TNXB: variants seen among roughly 807,000 people sequenced by gnomAD.
The protein encoded by TNXB is tenascin XB.
Under a neutral mutation model 340.5 loss-of-function variants are expected in TNXB, and 183 were observed. The observed-to-expected ratio is 0.54, with a 90% CI of 0.48 to 0.61. TNXB has a LOEUF of 0.61. TNXB is among the 20% of genes least tolerant of loss of function. The pLI is 0.00. For synonymous variants in TNXB, 2,121 were observed against 2,314.5 expected, an observed-to-expected ratio of 0.92 and a Z score of 2.40; for missense variants, 4,613 against 5,446.4, an observed-to-expected ratio of 0.85 and a Z score of 4.82.
In TNXB at chr6:32,096,732, G is replaced by A. The variant is rs755402467; in HGVS notation, c.1121C>T (p.Pro374Leu). ...GCGCCCGCGGCCCCGGCAGTCCCTC[G>A]GACATGTCCGCGTGCTGCAGTCCTC... ...TGEDCSTRTCPRDCRGRGRCE... is the reference protein window; with the variant it reads ...TGEDCSTRTCLRDCRGRGRCE... Residue 374 changes from proline to leucine, a missense_variant, in exon 3 of 44, where the codon CCG becomes CTG. Pro to Leu is a moderately conservative substitution (Grantham distance 98). This residue lies in a region of TNXB where 4,327 missense variants were observed against 4,859.4 expected (regional missense o/e 0.89). Transcript: ENST00000644971. The A allele has an allele frequency of 1.9e-6, 3 of 1,552,056 alleles. No individual in the cohort carries two copies. Among genetic ancestry groups the A allele is most frequent in the Non-Finnish European group, 1.7e-6 (2 of 1,150,406 alleles).
chr6:32,100,649 CT>C (rs1285218219), intron 1 of TNXB, among the ~76,000 whole-genome samples: 3 of 151,764 alleles, frequency 2.0e-5, no homozygotes, highest in Non-Finnish European at 4.4e-5. Context: ...TTACTTGAGT[CT>C]GGGAGGTCGA....
In TNXB at chr6:32,082,490, T is replaced by G. The variant is rs1449910547; in HGVS notation, c.3446-164A>C. Among the ~76,000 whole-genome samples, 3 of 152,188 alleles carry G rather than the reference T, an allele frequency of 2.0e-5. No homozygotes were observed. The highest frequency in any genetic ancestry group is 7.2e-5 in the African/African-American group (3 of 41,440). ...GACTGAAATCCAGCCAGCACTCTGC[T>G]TGCCGAGCTGTGTGCCCTGGTGAGG... is the stretch of plus-strand genomic sequence containing the variant. On this transcript the variant is annotated intron_variant, in intron 8 of 43. Transcript: ENST00000644971. The surrounding 1 kb of genome is among the most constrained non-coding windows in gnomAD (Gnocchi z 5.0).
rs774153644 is a variant in TNXB, at chr6:32,042,328, A to G, written c.12245T>C (p.Phe4082Ser). ...GGCATAGTCCTCCCAGTCCCTCCAGAAGTCTGTCTGTCCATCCATGCGGCG... is the reference window on the plus strand; with the variant it reads ...GGCATAGTCCTCCCAGTCCCTCCAGGAGTCTGTCTGTCCATCCATGCGGCG... ...FQRRMDGQTD[F>S]WRDWEDYAHG... Residue 4082 changes from phenylalanine to serine, a missense_variant, in exon 41 of 44, where the codon TTC (phenylalanine) becomes TCC (serine). Phe to Ser is a radical substitution (Grantham distance 155). Coordinates refer to ENST00000644971, the MANE Select transcript of TNXB (RefSeq NM_001365276.2). 1 of 1,524,152 alleles carries G rather than the reference A, an allele frequency of 6.6e-7. No homozygotes were observed. Among genetic ancestry groups the G allele is most frequent in the African/African-American group, 1.5e-5 (1 of 67,876 alleles). The allele number at this position is 1,524,152 out of a possible 1,614,324, so 94.4% of individuals were successfully genotyped here.
chr6:32,078,613 T>C (rs1424844814), intron 11 of TNXB: 1 of 218,632 alleles, frequency 4.6e-6, no homozygotes, highest in Non-Finnish European at 9.0e-6. Context: ...ACCTTCAGGG[T>C]GGTATGGCCT....
At position 32,079,899 on chromosome 6, in the gene TNXB, C is replaced by T. The variant is rs1320938616; in HGVS notation, c.4043-534G>A. Among the ~76,000 whole-genome samples the T allele has an allele frequency of 6.6e-6, 1 of 152,230 alleles. No individual in the cohort carries two copies. The highest frequency in any genetic ancestry group is 1.5e-5 in the Non-Finnish European group (1 of 68,042). On this transcript the variant is annotated intron_variant, in intron 10 of 43. Coordinates refer to ENST00000644971, the MANE Select transcript of TNXB (RefSeq NM_001365276.2). The surrounding 1 kb of genome is among the most constrained non-coding windows in gnomAD (Gnocchi z 7.1). ...CAAGGAGAGACATGTCCTTCCCTGGCTGGCTCTGGAATCACAGCCCTGTGG... is the reference window on the plus strand; with the variant it reads ...CAAGGAGAGACATGTCCTTCCCTGGTTGGCTCTGGAATCACAGCCCTGTGG...
chr6:32,090,547 A>G lies in TNXB; in HGVS notation c.2359-1168T>C, dbSNP rs1780029111. Among the ~76,000 whole-genome samples the G allele has an allele frequency of 1.3e-5, 2 of 152,232 alleles. No individual in the cohort carries two copies. Among genetic ancestry groups the G allele is most frequent in the Non-Finnish European group, 2.9e-5 (2 of 68,030 alleles). The stretch of plus-strand genomic sequence containing the variant: ...TGATGGGGACACCTCCATTCAGCCA[A>G]GTAGGATTGGAAATTTCAAAAGGTA... On this transcript the variant is annotated intron_variant, in intron 4 of 43. Transcript: ENST00000644971. The surrounding 1 kb of genome is among the most constrained non-coding windows in gnomAD (Gnocchi z 4.3).
At position 32,069,333 on chromosome 6, in the gene TNXB, C is replaced by T. The variant is rs2151915707; in HGVS notation, c.5588-197G>A. On this transcript the variant is annotated intron_variant, in intron 15 of 43. Transcript: ENST00000644971. The surrounding 1 kb of genome is among the most constrained non-coding windows in gnomAD (Gnocchi z 6.2). ...CACAAGAGACTGCGTATTGTGATTC[C>T]ATTACATGGAGAGTCAAAATGCTGT... is the stretch of plus-strand genomic sequence containing the variant. Among the ~76,000 whole-genome samples the T allele has an allele frequency of 6.6e-6, 1 of 152,350 alleles. No homozygotes were observed. The highest frequency in any genetic ancestry group is 1.9e-4 in the East Asian group (1 of 5,186).
In TNXB at chr6:32,096,406, A is replaced by G; in HGVS notation, c.1447T>C (p.Cys483Arg). ...RGRCESGRCM[C>R]WPGYTGRDCG... ...TCCCGGCCTGTGTACCCCGGCCAAC[A>G]CATGCAGCGGCCACTCTCACAGCGG... is the stretch of plus-strand genomic sequence containing the variant. Residue 483 changes from cysteine (C) to arginine (R), a missense_variant, in exon 3 of 44, where the codon TGT (cysteine) becomes CGT (arginine). Coordinates refer to ENST00000644971, the MANE Select transcript of TNXB (RefSeq NM_001365276.2). The G allele has an allele frequency of 6.3e-7, 1 of 1,584,236 alleles. No individual in the cohort carries two copies. Among genetic ancestry groups the G allele is most frequent in the Non-Finnish European group, 8.5e-7 (1 of 1,172,654 alleles).
At position 32,068,695 on chromosome 6, in the gene TNXB, T is replaced by C; in HGVS notation, c.5915A>G (p.Glu1972Gly). Residue 1972 changes from glutamate to glycine, a missense_variant, in exon 17 of 44, where the codon GAG (glutamate) becomes GGG (glycine). Coordinates refer to ENST00000644971, the MANE Select transcript of TNXB (RefSeq NM_001365276.2). This position sits in a 1 kb window ranked among gnomAD's most constrained non-coding sequence, Gnocchi z 5.3. ...TGCGGTGGGAGGTTCTGAAGGCTTC[T>C]CCTCCTCCGGGACTGGACAGAGACA... ...HVEALTVPEE[E>G]KPSEPPTATP... is the part of the protein sequence containing the mutation. 6.2e-7 allele frequency: 1 copy of C among 1,613,020 alleles called. No individual in the cohort carries two copies. The highest frequency in any genetic ancestry group is 8.5e-7 in the Non-Finnish European group (1 of 1,179,366).
chr6:32,087,291 C>T lies in TNXB; in HGVS notation c.2780-1173G>A, dbSNP rs1459600969. ...AGGCGTAGGACTTGGAGGTCTGCCC[C>T]GCCCGCACCCCGTGGACCTCCACGT... On this transcript the variant is annotated intron_variant, in intron 6 of 43. Coordinates refer to ENST00000644971, the MANE Select transcript of TNXB (RefSeq NM_001365276.2). This position sits in a 1 kb window ranked among gnomAD's most constrained non-coding sequence, Gnocchi z 9.0. The T allele has an allele frequency of 6.0e-6, 3 of 502,008 alleles. No individual in the cohort carries two copies. Among genetic ancestry groups the T allele is most frequent in the South Asian group, 4.4e-5 (3 of 68,656 alleles). The allele number at this position is 502,008 out of a possible 1,614,324, so 31.1% of individuals were successfully genotyped here. A position where few individuals can be genotyped will look rare whatever the true frequency, so the allele number is the denominator to read the frequency against.
In TNXB at chr6:32,067,742, G is replaced by A. The variant is rs1238592106; in HGVS notation, c.6463C>T (p.Pro2155Ser). ...AGGTGCATCTTGTACTTGCGCCCAGGCTCCAGGCCCCCCACGGTGACTTCA... is the reference window on the plus strand; with the variant it reads ...AGGTGCATCTTGTACTTGCGCCCAGACTCCAGGCCCCCCACGGTGACTTCA... ...ESEVTVGGLEPGRKYKMHLYG... is the reference protein window; with the variant it reads ...ESEVTVGGLESGRKYKMHLYG... Residue 2155 changes from proline (P) to serine (S), a missense_variant, in exon 18 of 44, where the codon CCT (proline) becomes TCT (serine). By Grantham distance (74) the Pro-to-Ser change is moderately conservative. Around this residue, in one of 7 missense-constraint regions of TNXB, gnomAD observed 4,327 missense variants for 4,859.4 expected, o/e 0.89. Coordinates refer to ENST00000644971, the MANE Select transcript of TNXB (RefSeq NM_001365276.2). This position sits in a 1 kb window ranked among gnomAD's most constrained non-coding sequence, Gnocchi z 4.2. The A allele has an allele frequency of 1.9e-6, 3 of 1,613,728 alleles. No individual in the cohort carries two copies. In the African/African-American group the frequency reaches 4.0e-5, roughly 22 times the overall value.
rs1778234154 is a variant in TNXB at position 32,064,845 on chromosome 6, G to A, written c.6817C>T (p.Pro2273Ser). ...YGFHGGQRVG[P>S]VSAVGLTAPG... ...CCAGTTAAACCAACAGCAGACACGG[G>A]GCCCACGCGCTGGCCACCGTGGAAG... Residue 2273 changes from proline to serine, a missense_variant, in exon 19 of 44, where the codon CCC becomes TCC. Coordinates refer to ENST00000644971, the MANE Select transcript of TNXB (RefSeq NM_001365276.2). This position sits in a 1 kb window ranked among gnomAD's most constrained non-coding sequence, Gnocchi z 5.3. The A allele has an allele frequency of 6.2e-7, 1 of 1,610,612 alleles. No individual in the cohort carries two copies. Among genetic ancestry groups the A allele is most frequent in the East Asian group, 2.2e-5 (1 of 44,886 alleles).
At chr6:32,071,608 C>T (rs554783359) in intron 13 of TNXB, among the ~76,000 whole-genome samples, 7 of 143,254 alleles carry the variant, frequency 4.9e-5, no homozygotes, top group South Asian at 2.2e-4. Flanking sequence ...TTTTTTGAGA[C>T]GGAGTCTGGC....
In TNXB at chr6:32,098,155, A is replaced by G; in HGVS notation, c.44T>C (p.Leu15Pro). The G allele has an allele frequency of 1.9e-6, 3 of 1,568,638 alleles. No individual in the cohort carries two copies. Among genetic ancestry groups the G allele is most frequent in the Non-Finnish European group, 1.7e-6 (2 of 1,152,762 alleles). Reference protein sequence around the residue: ...QYALTSSLVLLVLLSTARAGP... With the variant: ...QYALTSSLVLPVLLSTARAGP... ...TGCTCTGGCTGTGCTCAGCAGCACC[A>G]GGAGAACCAGGCTGGAGGTTAGAGC... The change falls in exon 2 of 44, where the codon CTG (leucine) becomes CCG (proline). Residue 15 changes from leucine to proline, a missense_variant. Transcript: ENST00000644971.
chr6:32,073,919 T>G lies in TNXB; in HGVS notation c.4409A>C (p.Glu1470Ala). Residue 1470 changes from glutamate to alanine, a missense_variant, in exon 12 of 44, where the codon GAG becomes GCG. Glu to Ala is a moderately radical substitution (Grantham distance 107, BLOSUM62 -1). Coordinates refer to ENST00000644971, the MANE Select transcript of TNXB (RefSeq NM_001365276.2). This position sits in a 1 kb window ranked among gnomAD's most constrained non-coding sequence, Gnocchi z 4.6. ...PQQEETPPAT[E>A]SPLEPRLGEL... ...TCCTAGGCGTGGCTCCAGCGGGGAC[T>G]CAGTGGCTGGAGGGGTCTCTTCTTG... 6.2e-7 allele frequency: 1 copy of G among 1,604,036 alleles called. No homozygotes were observed. Among genetic ancestry groups the G allele is most frequent in the Non-Finnish European group, 8.5e-7 (1 of 1,175,196 alleles).
rs1465210067 is a variant in TNXB at position 32,075,487 on chromosome 6, T to C, written c.4376-1535A>G. 1.3e-5 allele frequency among the ~76,000 whole-genome samples: 2 copies of C among 152,248 alleles called. No individual in the cohort carries two copies. The highest frequency in any genetic ancestry group is 2.1e-4 in the South Asian group (1 of 4,832). The stretch of plus-strand genomic sequence containing the variant: ...TCCCCAAAGGCCTAGGTGGCTGTCC[T>C]CTCACCTCCTTCAGGGCTTTCCTCA... On this transcript the variant is annotated intron_variant, in intron 11 of 43. Transcript: ENST00000644971. This position sits in a 1 kb window ranked among gnomAD's most constrained non-coding sequence, Gnocchi z 4.6.
chr6:32,048,456 AGACGGC>A lies in TNXB; in HGVS notation c.9946_9951del (p.Ala3316_Val3317del). 6.3e-7 allele frequency: 1 copy of A among 1,589,780 alleles called. No individual in the cohort carries two copies. Among genetic ancestry groups the A allele is most frequent in the Non-Finnish European group, 8.6e-7 (1 of 1,166,864 alleles). ...TACTTGCGGGCCGGGTCCAGCCCCG[AGACGGC>A]GACCGCTCGGAGGTCTCCGCTCACA... On this transcript the variant is annotated inframe_deletion, in exon 29 of 44. Transcript: ENST00000644971.
chr6:32,057,857 G>T (rs1777763037), intron 22 of TNXB, among the ~76,000 whole-genome samples: 1 of 152,152 alleles, frequency 6.6e-6, no homozygotes, highest in South Asian at 2.1e-4. Context: ...CTGAGCCCTG[G>T]GCCTCCCTAT....
At position 32,073,415 on chromosome 6, in the gene TNXB, G is replaced by A. The variant is rs570656367; in HGVS notation, c.4681+232C>T. On this transcript the variant is annotated intron_variant, in intron 12 of 43. Transcript: ENST00000644971. This position sits in a 1 kb window ranked among gnomAD's most constrained non-coding sequence, Gnocchi z 4.6. Reference sequence around the variant, plus strand: ...ATGGAAATAAGACATTCCCCTGGGCGGGGGGCAGAGTGGAGATGGGGAAGG... The same window carrying A: ...ATGGAAATAAGACATTCCCCTGGGCAGGGGGCAGAGTGGAGATGGGGAAGG... Among the ~76,000 whole-genome samples, 3 of 152,124 alleles carry A rather than the reference G, an allele frequency of 2.0e-5. No individual in the cohort carries two copies. The highest frequency in any genetic ancestry group is 1.9e-4 in the East Asian group (1 of 5,194).
Sources: gnomAD v4.1 joint callset for allele counts (sites outside exome capture counted in the v4.1 genomes callset) on GRCh38, gnomAD v4.1.1 for gene constraint, gnomAD v4.1.1 regional missense constraint, Gnocchi (gnomAD v3.1) non-coding constraint, MANE v1.5 for transcripts, NCBI Gene and HGNC (gene_info 2026-07-23, HGNC 2026-07-21) for gene names.